The following RPH3AL variants were observed in gnomAD, a reference collection of about 807,000 sequenced individuals.
The protein encoded by RPH3AL is rab effector Noc2.
In RPH3AL, 38 loss-of-function variants were observed where a neutral mutation model predicts 43.1. The observed-to-expected ratio is 0.88, with a 90% confidence interval of 0.68 to 1.15. The LOEUF is 1.15. RPH3AL is among the 50% of genes most tolerant of loss of function. The pLI is 0.00. For missense variants in RPH3AL, 462 were observed against 423.2 expected (o/e 1.09, Z -0.81); for synonymous variants, 189 against 176.3 (o/e 1.07, Z -0.57).
intron 5 of RPH3AL, among the ~76,000 whole-genome samples, chr17:318,280 G>A (rs2044356831): frequency 6.6e-6 from 1 of 152,136 alleles, no homozygotes; most frequent in Admixed American, 6.5e-5. Flanking sequence ...TACTCAGGAG[G>A]CTGAGGCAGG....
intron 6 of RPH3AL, among the ~76,000 whole-genome samples, chr17:277,557 T>C (rs1567608420): frequency 6.6e-6 from 1 of 152,214 alleles, no homozygotes. Context: ...CTACAGTTTA[T>C]CCTCAGCACA....
chr17:221,445 T>A (rs111532411), intron 7 of RPH3AL, among the ~76,000 whole-genome samples: 108 of 27,480 alleles, frequency 3.9e-3, no homozygotes, highest in Non-Finnish European at 4.4e-3. Flanking sequence ...CCCAAGCACA[T>A]CAGCTCTGAG....
intron 6 of RPH3AL, among the ~76,000 whole-genome samples, chr17:276,499 C>T (rs1338633371): frequency 1.3e-5 from 2 of 152,220 alleles, no homozygotes; most frequent in Non-Finnish European, 2.9e-5. Flanking sequence ...AGAAGTGATC[C>T]TCCCGCCTCA....
rs768020966 is a variant in RPH3AL, at chr17:247,279, T to TCC, written c.443_444dup (p.Lys149GlyfsTer19). On this transcript the variant is annotated frameshift_variant, in exon 7 of 10. Coordinates refer to ENST00000331302, the MANE Select transcript of RPH3AL (RefSeq NM_006987.4). LOFTEE classifies it high-confidence loss of function. ...TTGTAGAACCAGGCCCCCGACCTCT[T>TCC]CCAGACCTGAGTGGGGGAAGAGAGC... 1.9e-6 allele frequency: 3 copies of TCC among 1,577,574 alleles called. No homozygotes were observed. Among genetic ancestry groups the TCC allele is most frequent in the Non-Finnish European group, 2.6e-6 (3 of 1,160,000 alleles).
chr17:299,263 T>C (rs2043261521), intron 5 of RPH3AL, among the ~76,000 whole-genome samples: 1 of 150,026 alleles, frequency 6.7e-6, no homozygotes, highest in Non-Finnish European at 1.5e-5. Context: ...ATGCCGCTGC[T>C]GTCTGAGCCT....
chr17:285,329 G>A (rs549026377), intron 5 of RPH3AL, among the ~76,000 whole-genome samples: 56 of 152,276 alleles, frequency 3.7e-4, no homozygotes, highest in African/African-American at 8.7e-4. Flanking sequence ...GTGGGCTCCC[G>A]GGCAAGTCAC....
chr17:319,477 G>A lies in RPH3AL; in HGVS notation c.294C>T (p.Cys98=), dbSNP rs138916532. The A allele has an allele frequency of 1.4e-4, 229 of 1,612,576 alleles. 2 individuals are homozygous for A. In the African/African-American group the frequency reaches 2.0e-3, roughly 14 times the overall value. ...MGNGLSQCLL[C]GEVLGFLGSS... is the part of the protein sequence containing the mutation. ...TGCCCAGGAAGCCCAGCACCTCCCC[G>A]CAGAGCAGACACTGGGACAGGCCGT... Residue 98 remains cysteine, a synonymous_variant, in exon 5 of 10, where the codon TGC becomes TGT. Transcript: ENST00000331302.
chr17:219,192 C>CTTTTTTTTTTTTT (rs796389217), intron 8 of RPH3AL, among the ~76,000 whole-genome samples: 2 of 58,004 alleles, frequency 3.4e-5, no homozygotes, highest in African/African-American at 7.8e-5. Flanking sequence ...ATAAACAGCA[C>CTTTTTTTTTTTTT]TTTTTTTTTT....
chr17:274,635 G>A lies in RPH3AL; in HGVS notation c.438+7133C>T, dbSNP rs1244838079. ...TCCCTCGTCCTCCCTGGTTCCGACG[G>A]GCCAGGTCGCAGGAGAGTCAAAGGT... On this transcript the variant is annotated intron_variant, in intron 6 of 9. Coordinates refer to ENST00000331302, the MANE Select transcript of RPH3AL (RefSeq NM_006987.4). The surrounding 1 kb of genome is among the most constrained non-coding windows in gnomAD (Gnocchi z 4.7). 6.6e-6 allele frequency among the ~76,000 whole-genome samples: 1 copy of A among 152,156 alleles called. No individual in the cohort carries two copies. The highest frequency in any genetic ancestry group is 2.4e-5 in the African/African-American group (1 of 41,446).
chr17:251,134 G>T (rs941061070), intron 6 of RPH3AL, among the ~76,000 whole-genome samples: 4 of 152,216 alleles, frequency 2.6e-5, no homozygotes, highest in Admixed American at 2.0e-4. Context: ...TCCCTGGCAT[G>T]AATCCCTCAC....
At chr17:314,455 T>C (rs1485973059) in intron 5 of RPH3AL, among the ~76,000 whole-genome samples, 1 of 128,102 alleles carries the variant, frequency 7.8e-6, no homozygotes, top group African/African-American at 3.0e-5. Flanking sequence ...TCCATTGACC[T>C]GTAGTCTCTA....
At chr17:247,335 C>G (rs1384548432) in intron 6 of RPH3AL, 50 bp from the exon 7 acceptor site, 1 of 1,487,714 alleles carries the variant, frequency 6.7e-7, no homozygotes, top group African/African-American at 1.4e-5. Context: ...GAGGAGCCTC[C>G]CCTCCTGCTC....
chr17:213,982 G>A (rs545409890), intron 9 of RPH3AL, 59 bp from the exon 10 acceptor site: 82 of 1,328,506 alleles, frequency 6.2e-5, no homozygotes, highest in African/African-American at 2.3e-4. Flanking sequence ...CTCCCTCCCC[G>A]GTGACAGCTC....
chr17:286,100 C>T (rs1028889915), intron 5 of RPH3AL, among the ~76,000 whole-genome samples: 4 of 152,190 alleles, frequency 2.6e-5, no homozygotes, highest in Admixed American at 6.5e-5. Flanking sequence ...CAAATGTGCA[C>T]GTGTCTCACT....
At chr17:252,326 C>T (rs2041925425) in intron 6 of RPH3AL, among the ~76,000 whole-genome samples, 1 of 152,066 alleles carries the variant, frequency 6.6e-6, no homozygotes, top group Non-Finnish European at 1.5e-5. Flanking sequence ...ACAAAATTAG[C>T]ACAACAAAAA....
chr17:327,981 TG>T (rs1161897629), intron 2 of RPH3AL, among the ~76,000 whole-genome samples: 1 of 152,166 alleles, frequency 6.6e-6, no homozygotes, highest in Non-Finnish European at 1.5e-5. Flanking sequence ...GGGGCTGGGC[TG>T]GGGGGTGATG....
rs1256314297 is a variant in RPH3AL, at chr17:215,287, C to T, written c.876+367G>A. On this transcript the variant is annotated intron_variant, in intron 9 of 9. Transcript: ENST00000331302. The surrounding 1 kb of genome is among the most constrained non-coding windows in gnomAD (Gnocchi z 4.1). ...GGGTGGGAGCCCAGGATTCTCCCCT[C>T]ACTCTCTCTCTGTGCCTTGGTTTCT... is the stretch of plus-strand genomic sequence containing the variant. 6.6e-6 allele frequency among the ~76,000 whole-genome samples: 1 copy of T among 152,174 alleles called. No homozygotes were observed. Among genetic ancestry groups the T allele is most frequent in the Non-Finnish European group, 1.5e-5 (1 of 68,032 alleles).
At chr17:217,183 A>G (rs1262119901) in intron 8 of RPH3AL, among the ~76,000 whole-genome samples, 19 of 145,594 alleles carry the variant, frequency 1.3e-4, no homozygotes, top group Non-Finnish European at 2.3e-4. Flanking sequence ...TTCTGCGCTA[A>G]AATTGGCCTC....
At chr17:335,175 C>A (rs1292508167) in intron 1 of RPH3AL, among the ~76,000 whole-genome samples, 1 of 152,144 alleles carries the variant, frequency 6.6e-6, no homozygotes, top group Non-Finnish European at 1.5e-5. Flanking sequence ...CTGTGACCCC[C>A]GAGCGACTGT....
Sources: gnomAD v4.1 joint callset for allele counts (sites outside exome capture counted in the v4.1 genomes callset) on GRCh38, gnomAD v4.1.1 for gene constraint, Gnocchi (gnomAD v3.1) non-coding constraint, MANE v1.5 for transcripts, NCBI Gene and HGNC (gene_info 2026-07-23, HGNC 2026-07-21) for gene names.